The following HDAC4 variants were observed in gnomAD, a reference collection of about 807,000 sequenced individuals.
The protein encoded by HDAC4 is histone deacetylase 4, also known as histone deacetylase A.
In HDAC4, 16 loss-of-function variants were observed where a neutral mutation model predicts 135.1. That is an observed-to-expected ratio of 0.12 (90% CI 0.08 to 0.18). HDAC4 has a LOEUF of 0.18. HDAC4 is among the 10% of genes least tolerant of loss of function. The pLI is 1.00. For synonymous variants in HDAC4, 685 were observed against 653.4 expected, an observed-to-expected ratio of 1.05 and a Z score of -0.74; for missense variants, 1,143 against 1,511.8, an observed-to-expected ratio of 0.76 and a Z score of 4.05.
At chr2:239,179,136 A>G (rs552855286) in intron 4 of HDAC4, among the ~76,000 whole-genome samples, 188 of 151,972 alleles carry the variant, frequency 1.2e-3, no homozygotes, top group African/African-American at 4.3e-3. Context: ...CGCCTGAGGC[A>G]TAGAGTGGGG....
At chr2:239,322,191 G>A (rs954917690) in intron 2 of HDAC4, among the ~76,000 whole-genome samples, 3 of 152,184 alleles carry the variant, frequency 2.0e-5, no homozygotes, top group African/African-American at 7.2e-5. Flanking sequence ...ACCAATCAGG[G>A]GCTGAAGTGA....
At position 239,087,645 on chromosome 2, in the gene HDAC4, GCAA is replaced by G. The variant is rs369369112; in HGVS notation, c.2389-34_2389-32del. 1.7e-4 allele frequency: 267 copies of G among 1,608,432 alleles called. 1 individual carries two copies. In the African/African-American group the frequency reaches 3.1e-3, roughly 18 times the overall value. ...GGTGACACCAGACAGCCAGGAGAGA[GCAA>G]CAAAAGACACACTTTGTAGCCACGG... On this transcript the variant is annotated intron_variant, in intron 18 of 26. Transcript: ENST00000543185.
intron 1 of HDAC4, among the ~76,000 whole-genome samples, chr2:239,398,457 GGAAA>G (rs1387312513): frequency 6.6e-6 from 1 of 152,238 alleles, no homozygotes; most frequent in Non-Finnish European, 1.5e-5. Flanking sequence ...GTAGTTAAAA[GGAAA>G]GAGTTATAAC....
At chr2:239,244,915 G>A (rs2048384401) in intron 2 of HDAC4, among the ~76,000 whole-genome samples, 1 of 152,138 alleles carries the variant, frequency 6.6e-6, no homozygotes, top group Non-Finnish European at 1.5e-5. Context: ...TGGGAGCTCT[G>A]CTTATAGCCT....
At chr2:239,275,725 C>T (rs1199594687) in intron 2 of HDAC4, among the ~76,000 whole-genome samples, 1 of 152,084 alleles carries the variant, frequency 6.6e-6, no homozygotes, top group East Asian at 1.9e-4. Flanking sequence ...TGGTCCCACT[C>T]CCCACCCCTC....
chr2:239,262,227 T>C lies in HDAC4; in HGVS notation c.23-25563A>G, dbSNP rs1207439541. On this transcript the variant is annotated intron_variant, in intron 2 of 26. Transcript: ENST00000543185. This position sits in a 1 kb window ranked among gnomAD's most constrained non-coding sequence, Gnocchi z 4.1. The stretch of plus-strand genomic sequence containing the variant: ...TATAAGCTAGTATTTCCTCCTGTGG[T>C]GTCTCCTTGGGGGAATCCTAAATTT... 6.6e-6 allele frequency among the ~76,000 whole-genome samples: 1 copy of C among 152,184 alleles called. No homozygotes were observed. Among genetic ancestry groups the C allele is most frequent in the African/African-American group, 2.4e-5 (1 of 41,450 alleles).
At chr2:239,289,947 T>C (rs996615966) in intron 2 of HDAC4, among the ~76,000 whole-genome samples, 2 of 152,284 alleles carry the variant, frequency 1.3e-5, no homozygotes, top group African/African-American at 4.8e-5. Context: ...AGCATCGTGA[T>C]CTTTACTCAC....
intron 7 of HDAC4, among the ~76,000 whole-genome samples, chr2:239,150,667 A>G (rs4852028): frequency 0.16 from 3,975 of 24,450 alleles, 2 homozygotes; most frequent in African/African-American, 0.23. Flanking sequence ...GTCTCACCAC[A>G]CTGCACCTCC....
chr2:239,103,976 T>C (rs973952689), intron 15 of HDAC4, among the ~76,000 whole-genome samples: 11 of 152,232 alleles, frequency 7.2e-5, no homozygotes, highest in Non-Finnish European at 1.0e-4. Context: ...CTCTGCGGGT[T>C]CTCTTCTCAT....
In HDAC4 at chr2:239,239,763, A is replaced by C. The variant is rs904080743; in HGVS notation, c.23-3099T>G. On this transcript the variant is annotated intron_variant, in intron 2 of 26. Transcript: ENST00000543185. Reference sequence around the variant, plus strand: ...TTCACATCTTTGTAGAATGACATGGAAATGCTCGAAGGGAAAGCTGTTCTG... The same window carrying C: ...TTCACATCTTTGTAGAATGACATGGCAATGCTCGAAGGGAAAGCTGTTCTG... Among the ~76,000 whole-genome samples the C allele has an allele frequency of 1.1e-4, 16 of 152,226 alleles. 1 individual carries two copies. Among genetic ancestry groups the C allele is most frequent in the African/African-American group, 3.1e-4 (13 of 41,466 alleles).
intron 11 of HDAC4, among the ~76,000 whole-genome samples, chr2:239,127,497 T>C (rs1290861870): frequency 2.0e-5 from 3 of 152,254 alleles, no homozygotes; most frequent in Non-Finnish European, 1.5e-5. Context: ...CATTTTTCCA[T>C]GGTTTTGTGG....
At chr2:239,121,241 G>A (rs1363278422) in intron 12 of HDAC4, among the ~76,000 whole-genome samples, 1 of 152,206 alleles carries the variant, frequency 6.6e-6, no homozygotes, top group Non-Finnish European at 1.5e-5. Context: ...ACAGGTGTGA[G>A]CCACCATGCC....
In HDAC4 at chr2:239,140,897, G is replaced by A. The variant is rs781172660; in HGVS notation, c.866-1101C>T. ...ACTCACGTGGTATCCACGCCTGCTG[G>A]AGGTGGTGACTCTGCAAATATAGCC... On this transcript the variant is annotated intron_variant, in intron 8 of 26. Coordinates refer to ENST00000543185, the MANE Select transcript of HDAC4 (RefSeq NM_001378414.1). The A allele has an allele frequency of 3.8e-4, 172 of 456,910 alleles. No individual in the cohort carries two copies. The Admixed American group carries it at 4.2e-3, about 11-fold the overall frequency. 28.3% of individuals were successfully genotyped at this position (456,910 alleles called of 1,614,324 possible).
At chr2:239,096,318 C>A (rs542128407) in intron 16 of HDAC4, among the ~76,000 whole-genome samples, 1 of 151,604 alleles carries the variant, frequency 6.6e-6, no homozygotes, top group African/African-American at 2.4e-5. Context: ...CCTTAGCCCA[C>A]GGATGCCCGC....
chr2:239,214,460 T>A (rs1211877888), intron 3 of HDAC4, among the ~76,000 whole-genome samples: 1 of 152,172 alleles, frequency 6.6e-6, no homozygotes, highest in Non-Finnish European at 1.5e-5. Flanking sequence ...GGTTACACAG[T>A]CACAGGGGCT....
At chr2:239,176,624 C>A in intron 4 of HDAC4, 61 bp from the exon 5 acceptor site, 2 of 1,536,576 alleles carry the variant, frequency 1.3e-6, no homozygotes, top group Non-Finnish European at 1.8e-6. Flanking sequence ...CACAGAGACC[C>A]AATGAAGACC....
rs375225974 is a variant in HDAC4, at chr2:239,081,117, C to T, written c.2728G>A (p.Ala910Thr). Residue 910 changes from alanine (A) to threonine (T), a missense_variant, in exon 22 of 27, where the codon GCT (alanine) becomes ACT (threonine). Transcript: ENST00000543185. ...TGGLDPPMGD[A>T]EYLAAFRTVV... ...CACCTGAAGGCCGCCAAGTACTCAG[C>T]GTCTCCCATGGGGGGGTCCAGGCCG... 3.0e-5 allele frequency: 49 copies of T among 1,613,826 alleles called. No individual in the cohort carries two copies. The African/African-American group carries it at 3.9e-4, about 13-fold the overall frequency.
At position 239,156,648 on chromosome 2, in the gene HDAC4, T is replaced by C; in HGVS notation, c.733+4A>G. 6.2e-7 allele frequency: 1 copy of C among 1,614,132 alleles called. No homozygotes were observed. The highest frequency in any genetic ancestry group is 8.5e-7 in the Non-Finnish European group (1 of 1,179,984). On this transcript the variant is annotated splice_donor_region_variant and intron_variant, in intron 7 of 26. Transcript: ENST00000543185. ...CCCGGCCCACAGCATGCCTGGGCAC[T>C]GACCTGTTTTCCTAAGAGGGAAGTC...
intron 15 of HDAC4, 90 bp downstream of exon 15, chr2:239,107,960 A>G (rs1241700142): frequency 6.5e-7 from 1 of 1,545,978 alleles, no homozygotes; most frequent in East Asian, 2.3e-5. Flanking sequence ...ACCACCTGCA[A>G]AACCAACACC....
Sources: allele counts gnomAD v4.1 joint callset (sites outside exome capture counted in the v4.1 genomes callset), GRCh38; gene constraint gnomAD v4.1.1; non-coding constraint Gnocchi (gnomAD v3.1); transcripts MANE v1.5; gene names NCBI Gene and HGNC (gene_info 2026-07-23, HGNC 2026-07-21).